Variants in MYO16 observed in about 807,000 individuals in gnomAD.
The protein encoded by MYO16 is myosin XVI, also known as unconventional myosin-XVI.
In MYO16, 94 loss-of-function variants were observed where a neutral mutation model predicts 205.3. The observed-to-expected ratio is 0.46, with a 90% CI of 0.39 to 0.54. The LOEUF (loss-of-function observed/expected upper bound fraction) is 0.54. Ranked by LOEUF, MYO16 falls within the 20% of genes least tolerant of loss-of-function variation. The pLI, the probability that MYO16 is intolerant of heterozygous loss-of-function variation, is 0.00. For missense variants in MYO16, 2,315 were observed against 2,387.5 expected (o/e 0.97, Z 0.63); for synonymous variants, 988 against 954.0 (o/e 1.04, Z -0.66).
At chr13:108,861,247 ATTGGTT>A (rs1358542694) in intron 11 of MYO16, among the ~76,000 whole-genome samples, 1 of 152,086 alleles carries the variant, frequency 6.6e-6, no homozygotes, top group Non-Finnish European at 1.5e-5. Context: ...ACAGCTATAG[ATTGGTT>A]TTGTCTGTGT....
intron 6 of MYO16, among the ~76,000 whole-genome samples, chr13:108,803,511 C>T (rs75446433): frequency 0.013 from 1,971 of 152,108 alleles, 43 homozygotes; most frequent in African/African-American, 0.045. Context: ...GGGCTTTGAC[C>T]GGATGCAATG....
At chr13:108,930,130 TG>T (rs1386547670) in intron 16 of MYO16, among the ~76,000 whole-genome samples, 1 of 152,212 alleles carries the variant, frequency 6.6e-6, no homozygotes, top group Non-Finnish European at 1.5e-5. Context: ...ATTGCAAAAT[TG>T]ATCATTCTTA....
At chr13:108,653,888 C>T (rs1232175482) in intron 1 of MYO16, among the ~76,000 whole-genome samples, 1 of 151,874 alleles carries the variant, frequency 6.6e-6, no homozygotes. Flanking sequence ...ATTGAGACAG[C>T]TCAACAGAGA....
intron 27 of MYO16, among the ~76,000 whole-genome samples, chr13:109,062,627 ATAT>A (rs56250221): frequency 0.49 from 74,944 of 151,664 alleles, 18,506 homozygotes; most frequent in Middle Eastern, 0.54. Flanking sequence ...GTCTGAAATA[ATAT>A]TACAAAAAAT....
chr13:108,973,559 C>T (rs752173118), intron 20 of MYO16, among the ~76,000 whole-genome samples: 1 of 152,076 alleles, frequency 6.6e-6, no homozygotes, highest in Non-Finnish European at 1.5e-5. Flanking sequence ...ACAACGTTGC[C>T]CCTGTGTCCC....
intron 31 of MYO16, among the ~76,000 whole-genome samples, chr13:109,136,894 T>C (rs1236993625): frequency 6.6e-6 from 1 of 152,248 alleles, no homozygotes; most frequent in Non-Finnish European, 1.5e-5. Flanking sequence ...GACTTGTCTA[T>C]TGTTATGTAA....
chr13:109,111,660 A>G (rs771163737), intron 28 of MYO16, among the ~76,000 whole-genome samples: 1 of 151,998 alleles, frequency 6.6e-6, no homozygotes, highest in East Asian at 1.9e-4. Context: ...AATATAATCT[A>G]TGTTAATAAA....
intron 4 of MYO16, among the ~76,000 whole-genome samples, chr13:108,772,907 T>C (rs996370926): frequency 6.6e-6 from 1 of 152,156 alleles, no homozygotes; most frequent in Non-Finnish European, 1.5e-5. Context: ...TTGGATGTCT[T>C]AGTCTGTTTG....
intron 27 of MYO16, among the ~76,000 whole-genome samples, chr13:109,093,894 T>C (rs1160924424): frequency 6.6e-6 from 1 of 152,058 alleles, no homozygotes; most frequent in Non-Finnish European, 1.5e-5. Flanking sequence ...GGAACAGAGC[T>C]CCTGGGCTGG....
chr13:108,530,820 A>G, the MYO16 span, among the ~76,000 whole-genome samples: 1 of 152,158 alleles, frequency 6.6e-6, no homozygotes, highest in Non-Finnish European at 1.5e-5. Flanking sequence ...AATTATCTTT[A>G]CCCATTTATA....
intron 16 of MYO16, among the ~76,000 whole-genome samples, chr13:108,945,253 T>A (rs1440927089): frequency 3.3e-5 from 5 of 152,206 alleles, no homozygotes; most frequent in Non-Finnish European, 7.4e-5. Flanking sequence ...ATTAATTTTT[T>A]AATGTAAATG....
intron 9 of MYO16, among the ~76,000 whole-genome samples, chr13:108,842,479 A>G (rs1170057860): frequency 6.6e-6 from 1 of 152,156 alleles, no homozygotes; most frequent in Non-Finnish European, 1.5e-5. Context: ...TCCAAAGAAG[A>G]TATACAATTT....
chr13:109,101,673 C>T (rs568362252), intron 28 of MYO16: 1 of 152,286 alleles, frequency 6.6e-6, no homozygotes, highest in East Asian at 1.9e-4. Flanking sequence ...GGAAACCACG[C>T]AGTCCATGAC....
chr13:108,950,584 A>G (rs922374501), intron 16 of MYO16, among the ~76,000 whole-genome samples: 5 of 152,196 alleles, frequency 3.3e-5, no homozygotes, highest in African/African-American at 1.2e-4. Flanking sequence ...TGCCCCCTGC[A>G]TTGCTGGTGG....
intron 16 of MYO16, among the ~76,000 whole-genome samples, chr13:108,948,268 A>G (rs1004074008): frequency 2.0e-5 from 3 of 152,228 alleles, no homozygotes; most frequent in Non-Finnish European, 4.4e-5. Context: ...AAACATCACC[A>G]AGTAAAAAAT....
At chr13:108,582,223 C>T in the MYO16 span, among the ~76,000 whole-genome samples, 57 of 152,164 alleles carry the variant, frequency 3.7e-4, no homozygotes, top group African/African-American at 1.3e-3. Flanking sequence ...TTCAGGTTTG[C>T]AGAGGTAATG....
At chr13:108,852,830 C>T (rs915464521) in intron 10 of MYO16, among the ~76,000 whole-genome samples, 3 of 152,124 alleles carry the variant, frequency 2.0e-5, no homozygotes, top group Admixed American at 1.3e-4. Context: ...GAAGTATAGA[C>T]TATGTTTCAT....
At chr13:108,523,243 C>T in the MYO16 span, among the ~76,000 whole-genome samples, 1 of 152,142 alleles carries the variant, frequency 6.6e-6, no homozygotes, top group African/African-American at 2.4e-5. Flanking sequence ...GAGCAAGAAG[C>T]TCAACTCCAA....
At chr13:108,872,586 A>C (rs1879122139) in intron 12 of MYO16, among the ~76,000 whole-genome samples, 1 of 151,768 alleles carries the variant, frequency 6.6e-6, no homozygotes, top group Non-Finnish European at 1.5e-5. Context: ...ATAGTTTATT[A>C]AAACTGAAAA....
Sources: gnomAD v4.1 joint callset for allele counts (sites outside exome capture counted in the v4.1 genomes callset) on GRCh38, gnomAD v4.1.1 for gene constraint, MANE v1.5 for transcripts, NCBI Gene and HGNC (gene_info 2026-07-23, HGNC 2026-07-21) for gene names.